WIPF2: variants seen among roughly 807,000 people sequenced by gnomAD.
The protein encoded by WIPF2 is WAS/WASL-interacting protein family member 2.
WIPF2 carries 23 observed loss-of-function variants against 38.8 expected under a neutral mutation model. The observed-to-expected ratio is 0.59, with a 90% CI of 0.43 to 0.84. The LOEUF (loss-of-function observed/expected upper bound fraction) is 0.84. Among genes scored for constraint, WIPF2 ranks in the 40% least tolerant of loss-of-function variants. The pLI is 0.00. For missense variants in WIPF2, 574 were observed against 580.5 expected (o/e 0.99, Z 0.11); for synonymous variants, 210 against 223.2 (o/e 0.94, Z 0.53).
Position 40,264,740 on chromosome 17 carries a change from AC to A in WIPF2, c.570del (p.Thr191HisfsTer47). On this transcript the variant is annotated frameshift_variant, in exon 5 of 8. Transcript: ENST00000323571. LOFTEE classifies it high-confidence loss of function. ...PPPPGRRANA[P>X]PTPLPMHSSK... ...CACCCCCAGGGCGGCGTGCCAACGCACCCCCCACACCTCTGCCTATGCACAG... is the reference window on the plus strand; with the variant it reads ...CACCCCCAGGGCGGCGTGCCAACGCACCCCCACACCTCTGCCTATGCACAG... 1 of 1,307,636 alleles carries A rather than the reference AC, an allele frequency of 7.6e-7. No individual in the cohort carries two copies. Among genetic ancestry groups the A allele is most frequent in the Non-Finnish European group, 1.0e-6 (1 of 1,004,716 alleles). 81.0% of individuals were successfully genotyped at this position (1,307,636 alleles called of 1,614,324 possible). A position where few individuals can be genotyped will look rare whatever the true frequency, so the allele number is the denominator to read the frequency against.
chr17:40,260,808 T>C (rs768263753), intron 3 of WIPF2, 141 bp downstream of exon 3: 6 of 1,146,030 alleles, frequency 5.2e-6, no homozygotes, highest in Middle Eastern at 1.9e-4. Context: ...TTATTCATTC[T>C]TCTGAACCTT....
intron 1 of WIPF2, among the ~76,000 whole-genome samples, chr17:40,221,101 G>T (rs1444980368): frequency 8.5e-5 from 13 of 152,092 alleles, no homozygotes; most frequent in Admixed American, 8.5e-4. Context: ...ATTTTTTAAA[G>T]GACTTGAATA....
intron 1 of WIPF2, among the ~76,000 whole-genome samples, chr17:40,252,910 C>T (rs955719184): frequency 1.3e-5 from 2 of 151,014 alleles, no homozygotes; most frequent in Admixed American, 1.3e-4. Flanking sequence ...ATTGTAATCC[C>T]ATGTGCCACC....
chr17:40,227,319 G>A (rs2030537302), intron 1 of WIPF2, among the ~76,000 whole-genome samples: 1 of 152,126 alleles, frequency 6.6e-6, no homozygotes, highest in South Asian at 2.1e-4. Context: ...GATTACAGGT[G>A]TGAGTCACTG....
intron 1 of WIPF2, among the ~76,000 whole-genome samples, chr17:40,250,380 G>T (rs957269578): frequency 6.7e-6 from 1 of 149,932 alleles, no homozygotes; most frequent in South Asian, 2.1e-4. Context: ...ACAGGTGCCC[G>T]CTGCCATGCC....
chr17:40,222,722 G>A (rs1346824812), intron 1 of WIPF2, among the ~76,000 whole-genome samples: 3 of 126,350 alleles, frequency 2.4e-5, no homozygotes, highest in African/African-American at 8.8e-5. Flanking sequence ...CCAGGCTGGA[G>A]TGGAATGGCG....
chr17:40,227,076 G>C (rs1264012083), intron 1 of WIPF2, among the ~76,000 whole-genome samples: 3 of 148,950 alleles, frequency 2.0e-5, no homozygotes, highest in African/African-American at 7.5e-5. Context: ...GAGTTTCACT[G>C]TGTCAGCCAG....
chr17:40,282,540 G>A lies in WIPF2; in HGVS notation c.*4315G>A, dbSNP rs1268425897. On this transcript the variant is annotated 3_prime_UTR_variant, in exon 8 of 8. Transcript: ENST00000323571. ...AATTTATTGTATGATTTATTTTGGAGTTATATTCTGATTACAGTGCTCCCT... is the reference window on the plus strand; with the variant it reads ...AATTTATTGTATGATTTATTTTGGAATTATATTCTGATTACAGTGCTCCCT... The A allele has an allele frequency of 1.3e-5, 2 of 152,170 alleles. No homozygotes were observed. Among genetic ancestry groups the A allele is most frequent in the Non-Finnish European group, 2.9e-5 (2 of 68,036 alleles). 9.4% of individuals were successfully genotyped at this position (152,170 alleles called of 1,614,324 possible).
chr17:40,262,566 G>T lies in WIPF2; in HGVS notation c.238G>T (p.Ala80Ser). 6.2e-7 allele frequency: 1 copy of T among 1,614,048 alleles called. No individual in the cohort carries two copies. The highest frequency in any genetic ancestry group is 8.5e-7 in the Non-Finnish European group (1 of 1,179,928). ...TGGTGGCTATGGCTCTGGAGGAGCT[G>T]CCCTGCAGCCCAAGGGAGGTCTCTT... ...SSGGYGSGGA[A>S]LQPKGGLFQG... The change falls in exon 4 of 8, where the codon GCC becomes TCC. Residue 80 changes from alanine to serine, a missense_variant. Coordinates refer to ENST00000323571, the MANE Select transcript of WIPF2 (RefSeq NM_133264.5).
In WIPF2 at chr17:40,235,325, A is replaced by G. The variant is rs148574108; in HGVS notation, c.-70+15833A>G. Among the ~76,000 whole-genome samples, 45 of 152,328 alleles carry G rather than the reference A, an allele frequency of 3.0e-4. No homozygotes were observed. In the East Asian group the frequency reaches 7.7e-3, roughly 26 times the overall value. On this transcript the variant is annotated intron_variant, in intron 1 of 7. Transcript: ENST00000323571. ...AGAAGTGAAAGTTACAAAAGAAAAAAAATTTAGCGCCCAGTATAATGACTG... is the reference window on the plus strand; with the variant it reads ...AGAAGTGAAAGTTACAAAAGAAAAAGAATTTAGCGCCCAGTATAATGACTG...
intron 1 of WIPF2, among the ~76,000 whole-genome samples, chr17:40,231,673 T>G (rs2030744683): frequency 6.6e-6 from 1 of 152,066 alleles, no homozygotes; most frequent in East Asian, 1.9e-4. Flanking sequence ...TCCACCCGCC[T>G]TGGCGCCTCA....
chr17:40,239,217 G>T (rs78744880), intron 1 of WIPF2, among the ~76,000 whole-genome samples: 1 of 151,564 alleles, frequency 6.6e-6, no homozygotes, highest in African/African-American at 2.4e-5. Flanking sequence ...GACCACAGGC[G>T]CCCGCCACCA....
chr17:40,248,163 C>CTTTT lies in WIPF2; in HGVS notation c.-69-8204_-69-8201dup, dbSNP rs60359132. 3.8e-4 allele frequency among the ~76,000 whole-genome samples: 18 copies of CTTTT among 47,594 alleles called. 2 individuals are homozygous for CTTTT. The highest frequency in any genetic ancestry group is 5.8e-4 in the African/African-American group (7 of 12,072). 31.2% of individuals were successfully genotyped at this position (47,594 alleles called of 152,430 possible). Reference sequence around the variant, plus strand: ...TTTAATAAAAATTTAAAAGTTATTTCTTTTTTTTTTTTTTTTTTTTTTTTT... The same window carrying CTTTT: ...TTTAATAAAAATTTAAAAGTTATTTCTTTTTTTTTTTTTTTTTTTTTTTTTTTTT... On this transcript the variant is annotated intron_variant, in intron 1 of 7. Transcript: ENST00000323571.
chr17:40,238,028 T>G (rs890941961), intron 1 of WIPF2, among the ~76,000 whole-genome samples: 5 of 148,982 alleles, frequency 3.4e-5, no homozygotes, highest in Admixed American at 2.7e-4. Flanking sequence ...ATGGTGCCAC[T>G]GCACTCCAGC....
intron 1 of WIPF2, among the ~76,000 whole-genome samples, chr17:40,231,965 C>T (rs1418050575): frequency 2.9e-5 from 4 of 138,906 alleles, no homozygotes; most frequent in African/African-American, 1.1e-4. Context: ...CAGTTAGTGG[C>T]ATTACATTGA....
At chr17:40,228,912 C>T (rs2030618227) in intron 1 of WIPF2, among the ~76,000 whole-genome samples, 2 of 151,642 alleles carry the variant, frequency 1.3e-5, no homozygotes, top group South Asian at 4.2e-4. Flanking sequence ...CTGGCCCTGA[C>T]TTGGTCTTCC....
At chr17:40,232,866 G>C (rs1276115893) in intron 1 of WIPF2, among the ~76,000 whole-genome samples, 1 of 151,190 alleles carries the variant, frequency 6.6e-6, no homozygotes, top group Non-Finnish European at 1.5e-5. Flanking sequence ...TTGAACTCCC[G>C]ACCTCAGGTC....
intron 1 of WIPF2, among the ~76,000 whole-genome samples, chr17:40,227,381 T>G (rs1598464777): frequency 6.6e-6 from 1 of 152,054 alleles, no homozygotes; most frequent in South Asian, 2.1e-4. Context: ...ATTTAAAAGA[T>G]AAAAAAGTAT....
rs560868792 is a variant in WIPF2 at position 40,248,046 on chromosome 17, T to C, written c.-69-8345T>C. On this transcript the variant is annotated intron_variant, in intron 1 of 7. Transcript: ENST00000323571. ...GGTTGAAAAATATACAAAGTGGACT[T>C]GGTCATTTTGAACTTTTTGTTTGAT... Among the ~76,000 whole-genome samples the C allele has an allele frequency of 6.6e-5, 10 of 152,152 alleles. No homozygotes were observed. The South Asian group carries it at 2.1e-3, about 32-fold the overall frequency.
Sources: allele counts gnomAD v4.1 joint callset (sites outside exome capture counted in the v4.1 genomes callset), GRCh38; gene constraint gnomAD v4.1.1; transcripts MANE v1.5; gene names NCBI Gene and HGNC (gene_info 2026-07-23, HGNC 2026-07-21).